MED27: variants seen among roughly 807,000 people sequenced by gnomAD.
MED27 encodes mediator complex subunit 27, also known as mediator of RNA polymerase II transcription subunit 27.
Under a neutral mutation model 38.2 loss-of-function variants are expected in MED27, and 30 were observed. That is an observed-to-expected ratio of 0.79 (90% CI 0.59 to 1.07). The LOEUF is 1.07. MED27 is among the 50% of genes least tolerant of loss of function. The probability of loss-of-function intolerance (pLI) is 0.00; values close to 1 mark genes in which losing one functional copy is unlikely to be tolerated. For synonymous variants in MED27, 122 were observed against 153.5 expected, an observed-to-expected ratio of 0.79 and a Z score of 1.52; for missense variants, 289 against 397.5, an observed-to-expected ratio of 0.73 and a Z score of 2.32.
intron 5 of MED27, among the ~76,000 whole-genome samples, chr9:131,887,140 G>A (rs1447057598): frequency 6.6e-6 from 1 of 152,086 alleles, no homozygotes; most frequent in Non-Finnish European, 1.5e-5. Flanking sequence ...AAAAGTTATA[G>A]TTTTTATTTA....
At chr9:131,870,464 A>C (rs1239516297) in intron 6 of MED27, among the ~76,000 whole-genome samples, 1 of 152,144 alleles carries the variant, frequency 6.6e-6, no homozygotes, top group Non-Finnish European at 1.5e-5. Flanking sequence ...TGACAGAGGT[A>C]CTCTCACGTT....
rs931653876 is a variant in MED27, at chr9:132,015,512, G to C, written c.349-1045C>G. On this transcript the variant is annotated intron_variant, in intron 2 of 7. Coordinates refer to ENST00000292035, the MANE Select transcript of MED27 (RefSeq NM_004269.4). ...GTAAAATATAATATGCACATTTAAA[G>C]TGAACAGTTTAATGAGTTTTGACAA... Among the ~76,000 whole-genome samples the C allele has an allele frequency of 1.3e-4, 20 of 152,302 alleles. No homozygotes were observed. The East Asian group carries it at 3.1e-3, about 23-fold the overall frequency.
chr9:131,988,122 T>A (rs1291912258), intron 3 of MED27, among the ~76,000 whole-genome samples: 2 of 152,242 alleles, frequency 1.3e-5, no homozygotes, highest in Admixed American at 6.5e-5. Flanking sequence ...CCTAAAATTG[T>A]GAGCTCTTTT....
chr9:131,908,148 G>A (rs1340067817), intron 4 of MED27, among the ~76,000 whole-genome samples: 34 of 148,732 alleles, frequency 2.3e-4, no homozygotes, highest in African/African-American at 7.9e-4. Context: ...CCCCCCGCTC[G>A]GCCAGCCGCC....
rs150484294 is a variant in MED27 at position 131,996,566 on chromosome 9, G to C, written c.479+17771C>G. 5.7e-3 allele frequency among the ~76,000 whole-genome samples: 876 copies of C among 152,348 alleles called. 7 individuals carry two copies. The highest frequency in any genetic ancestry group is 0.02 in the African/African-American group (835 of 41,588). ...GGCAGCTCCTCAAATGTACGTAGTA[G>C]AATTGTAGAAGTAGAACTGAGCAAC... is the stretch of plus-strand genomic sequence containing the variant. On this transcript the variant is annotated intron_variant, in intron 3 of 7. Transcript: ENST00000292035.
In MED27 at chr9:131,889,813, G is replaced by C. The variant is rs1344794232; in HGVS notation, c.681+4072C>G. Reference sequence around the variant, plus strand: ...GAGGACAGAGACAACCGCAGAGGCAGAAGTTAAGCCCATAGGAGGCTTCCT... The same window carrying C: ...GAGGACAGAGACAACCGCAGAGGCACAAGTTAAGCCCATAGGAGGCTTCCT... On this transcript the variant is annotated intron_variant, in intron 5 of 7. Coordinates refer to ENST00000292035, the MANE Select transcript of MED27 (RefSeq NM_004269.4). The surrounding 1 kb of genome is among the most constrained non-coding windows in gnomAD (Gnocchi z 4.2). Among the ~76,000 whole-genome samples the C allele has an allele frequency of 6.6e-6, 1 of 152,200 alleles. No individual in the cohort carries two copies. Among genetic ancestry groups the C allele is most frequent in the African/African-American group, 2.4e-5 (1 of 41,450 alleles).
intron 4 of MED27, among the ~76,000 whole-genome samples, chr9:131,909,160 A>G (rs1223948415): frequency 6.6e-6 from 1 of 152,182 alleles, no homozygotes; most frequent in Non-Finnish European, 1.5e-5. Context: ...GCACCAGGTA[A>G]TGACTTTGCT....
rs11331082 is a variant in MED27 at position 131,884,605 on chromosome 9, C to CTT, written c.682-508_682-507dup. On this transcript the variant is annotated intron_variant, in intron 5 of 7. Transcript: ENST00000292035. ...GTACCTGTTACCTTGATTCTCTTTACTTTTTTTTTTTTTTTTTTTTGAGAT... is the reference window on the plus strand; with the variant it reads ...GTACCTGTTACCTTGATTCTCTTTACTTTTTTTTTTTTTTTTTTTTTTGAGAT... Among the ~76,000 whole-genome samples the CTT allele has an allele frequency of 9.5e-3, 1,163 of 122,670 alleles. 34 individuals are homozygous for CTT. The highest frequency in any genetic ancestry group is 0.035 in the African/African-American group (1,089 of 30,904). 80.5% of individuals were successfully genotyped at this position (122,670 alleles called of 152,430 possible).
intron 2 of MED27, among the ~76,000 whole-genome samples, chr9:132,034,961 G>A (rs1432671221): frequency 6.6e-6 from 1 of 152,154 alleles, no homozygotes; most frequent in African/African-American, 2.4e-5. Context: ...ACATATGTAT[G>A]TGCACACAAA....
chr9:131,939,314 C>A, intron 4 of MED27, 67 bp downstream of exon 4: 1 of 992,068 alleles, frequency 1.0e-6, no homozygotes, highest in Non-Finnish European at 1.5e-6. Context: ...AACACAGGAC[C>A]AGAGAGTTAA....
At chr9:132,018,234 A>G (rs1832645425) in intron 2 of MED27, among the ~76,000 whole-genome samples, 1 of 152,208 alleles carries the variant, frequency 6.6e-6, no homozygotes, top group South Asian at 2.1e-4. Flanking sequence ...GACTTAACAA[A>G]TCTTTTTCTG....
intron 3 of MED27, among the ~76,000 whole-genome samples, chr9:131,985,812 G>A (rs1270080987): frequency 6.6e-6 from 1 of 151,990 alleles, no homozygotes; most frequent in Non-Finnish European, 1.5e-5. Context: ...CATAGGAGAT[G>A]ACAGCTCTGT....
rs562778570 is a variant in MED27 at position 131,963,202 on chromosome 9, C to T, written c.480-23728G>A. ...TACAGTGTTCAGGGATAATAGCAAC[C>T]GTATCATTCACAGGAGCCATGGCCA... On this transcript the variant is annotated intron_variant, in intron 3 of 7. Coordinates refer to ENST00000292035, the MANE Select transcript of MED27 (RefSeq NM_004269.4). 8.5e-5 allele frequency among the ~76,000 whole-genome samples: 13 copies of T among 152,120 alleles called. No individual in the cohort carries two copies. The South Asian group carries it at 1.9e-3, about 22-fold the overall frequency.
intron 3 of MED27, among the ~76,000 whole-genome samples, chr9:131,963,279 G>A (rs867678637): frequency 1.3e-5 from 2 of 152,034 alleles, no homozygotes; most frequent in Non-Finnish European, 2.9e-5. Flanking sequence ...TTAAGTTTTA[G>A]CGTAGAGAAC....
intron 3 of MED27, among the ~76,000 whole-genome samples, chr9:132,011,400 T>C (rs1227342830): frequency 6.6e-6 from 1 of 152,212 alleles, no homozygotes; most frequent in Non-Finnish European, 1.5e-5. Flanking sequence ...CTATTATTGT[T>C]CTATTTCCTA....
chr9:131,863,123 G>C lies in MED27; in HGVS notation c.741C>G (p.Thr247=), dbSNP rs1219933540. Residue 247 remains threonine (T), a synonymous_variant, in exon 7 of 8, where the codon ACC becomes ACG. Coordinates refer to ENST00000292035, the MANE Select transcript of MED27 (RefSeq NM_004269.4). ...GCAGCTGATAGTGGAGCAGGGCAGT[G>C]GTGGCATGGTCTGTCACCTGAGAGT... ...QVFQKVTDHA[T]TALLHYQLPQ... 1 of 1,614,148 alleles carries C rather than the reference G, an allele frequency of 6.2e-7. No homozygotes were observed. The highest frequency in any genetic ancestry group is 8.5e-7 in the Non-Finnish European group (1 of 1,180,012).
intron 4 of MED27, among the ~76,000 whole-genome samples, chr9:131,922,029 G>C (rs1238784975): frequency 1.4e-5 from 2 of 138,894 alleles, no homozygotes; most frequent in Admixed American, 7.1e-5. Flanking sequence ...GTCATGGGGA[G>C]GGGGGAGGGG....
At chr9:132,033,046 T>C (rs1832997051) in intron 2 of MED27, among the ~76,000 whole-genome samples, 1 of 152,216 alleles carries the variant, frequency 6.6e-6, no homozygotes, top group African/African-American at 2.4e-5. Flanking sequence ...CTCAAATATT[T>C]TTCCTACCCC....
At chr9:132,045,986 T>C (rs1409351165) in intron 2 of MED27, among the ~76,000 whole-genome samples, 2 of 152,212 alleles carry the variant, frequency 1.3e-5, no homozygotes, top group Non-Finnish European at 2.9e-5. Flanking sequence ...AAGATACATG[T>C]GGCAAAGCAA....
Sources: allele counts gnomAD v4.1 joint callset (sites outside exome capture counted in the v4.1 genomes callset), GRCh38; gene constraint gnomAD v4.1.1; non-coding constraint Gnocchi (gnomAD v3.1); transcripts MANE v1.5; gene names NCBI Gene and HGNC (gene_info 2026-07-23, HGNC 2026-07-21).